CBR4: variants seen among roughly 807,000 people sequenced by gnomAD.
The protein encoded by CBR4 is 3-oxoacyl-[acyl-carrier-protein] reductase.
In CBR4, 22 loss-of-function variants were observed where a neutral mutation model predicts 21.0. That is an observed-to-expected ratio of 1.05 (90% confidence interval 0.75 to 1.50). The LOEUF (loss-of-function observed/expected upper bound fraction) is 1.50. CBR4 is among the 40% of genes most tolerant of loss of function. The pLI, the probability that CBR4 is intolerant of heterozygous loss-of-function variation, is 0.00. For missense variants in CBR4, 302 were observed against 286.3 expected (o/e 1.05, Z -0.40); for synonymous variants, 100 against 104.4 (o/e 0.96, Z 0.26).
chr4:168,990,211 T>C lies in CBR4; in HGVS notation c.653A>G (p.Glu218Gly). 6.2e-7 allele frequency: 1 copy of C among 1,613,434 alleles called. No homozygotes were observed. Among genetic ancestry groups the C allele is most frequent in the Non-Finnish European group, 8.5e-7 (1 of 1,179,634 alleles). ...AACATGCCCTGTAATATACGGTGAT[T>C]CTAAAAGAAACACAACCGCATGTGC... is the stretch of plus-strand genomic sequence containing the variant. ...EVAHAVVFLLESPYITGHVLV... is the reference protein window; with the variant it reads ...EVAHAVVFLLGSPYITGHVLV... Residue 218 changes from glutamate (E) to glycine (G), a missense_variant, in exon 5 of 5, where the codon GAA becomes GGA. Physicochemically the swap from Glu to Gly is moderately conservative, Grantham distance 98. Transcript: ENST00000306193.
intron 2 of CBR4, among the ~76,000 whole-genome samples, chr4:168,934,282 CAAAAAAAAAA>C (rs60538970): frequency 5.5e-5 from 1 of 18,200 alleles, no homozygotes; most frequent in African/African-American, 1.9e-4. Context: ...GCAAAAAAAA[CAAAAAAAAAA>C]AAAAAAAAAA....
intron 2 of CBR4, among the ~76,000 whole-genome samples, chr4:168,937,033 A>G (rs1763131327): frequency 6.6e-6 from 1 of 152,200 alleles, no homozygotes; most frequent in African/African-American, 2.4e-5. Context: ...CGGCAGCCAG[A>G]GAGAAAGATC....
In CBR4 at chr4:168,895,166, G is replaced by A. The variant is rs568913165; in HGVS notation, n.170-401C>T. Among the ~76,000 whole-genome samples the A allele has an allele frequency of 1.1e-3, 175 of 152,178 alleles. 1 individual carries two copies. Among genetic ancestry groups the A allele is most frequent in the Non-Finnish European group, 2.3e-3 (157 of 68,002 alleles). On this transcript the variant is annotated intron_variant and non_coding_transcript_variant, in intron 2 of 3. Coordinates refer to the CBR4 transcript ENST00000509108. The stretch of plus-strand genomic sequence containing the variant: ...TGGGAGGCTGAGGTGGGTGGATCAC[G>A]AGGTCAGGAGATCGAGACCATCGTG...
At chr4:168,963,227 T>G (rs1355392488) in intron 2 of CBR4, among the ~76,000 whole-genome samples, 1 of 152,202 alleles carries the variant, frequency 6.6e-6, no homozygotes, top group Non-Finnish European at 1.5e-5. Context: ...AAAAGCCAGT[T>G]TTATCCTGAT....
chr4:168,971,394 C>T (rs1398488566), intron 2 of CBR4, among the ~76,000 whole-genome samples: 7 of 151,436 alleles, frequency 4.6e-5, no homozygotes, highest in Admixed American at 2.6e-4. Flanking sequence ...CTCAGCCTCC[C>T]GAGTAGCTGG....
chr4:168,991,766 G>A (rs1419365943), intron 4 of CBR4, among the ~76,000 whole-genome samples: 1 of 152,038 alleles, frequency 6.6e-6, no homozygotes, highest in East Asian at 1.9e-4. Flanking sequence ...AATCATTTGG[G>A]TTTTTAAAAA....
Position 168,914,008 on chromosome 4 carries a change from C to G in CBR4, n.170-19243G>C. 1 of 1,600,892 alleles carries G rather than the reference C, an allele frequency of 6.2e-7. No homozygotes were observed. The highest frequency in any genetic ancestry group is 8.6e-7 in the Non-Finnish European group (1 of 1,168,086). Reference sequence around the variant, plus strand: ...AAGTCCCCGGTCTCCCTCAGGCCATCCTCATGTCAGAAGGTATTTAACATG... The same window carrying G: ...AAGTCCCCGGTCTCCCTCAGGCCATGCTCATGTCAGAAGGTATTTAACATG... On this transcript the variant is annotated intron_variant and non_coding_transcript_variant, in intron 2 of 3. Coordinates refer to the CBR4 transcript ENST00000509108.
chr4:169,008,971 G>T, intron 1 of CBR4: 1 of 454,830 alleles, frequency 2.2e-6, no homozygotes, highest in South Asian at 1.6e-5. Flanking sequence ...ATAGTCCCAG[G>T]TCCTTGGGAG....
At chr4:169,008,638 C>T (rs909273227) in intron 1 of CBR4, among the ~76,000 whole-genome samples, 8 of 152,164 alleles carry the variant, frequency 5.3e-5, no homozygotes, top group African/African-American at 1.9e-4. Flanking sequence ...CCAAAAGCAT[C>T]CTGTGTCTCT....
intron 2 of CBR4, among the ~76,000 whole-genome samples, chr4:168,960,791 A>C (rs946129021): frequency 6.6e-6 from 1 of 152,234 alleles, no homozygotes; most frequent in African/African-American, 2.4e-5. Context: ...AAAAGTCTTT[A>C]TGTTAGAAGA....
intron 2 of CBR4, among the ~76,000 whole-genome samples, chr4:168,963,527 A>G (rs1414007146): frequency 6.9e-6 from 1 of 144,108 alleles, no homozygotes; most frequent in Non-Finnish European, 1.5e-5. Context: ...CTAGAGTCCT[A>G]TGGTGTGATC....
intron 2 of CBR4, among the ~76,000 whole-genome samples, chr4:168,958,346 C>A: frequency 6.6e-6 from 1 of 151,192 alleles, no homozygotes; most frequent in East Asian, 1.9e-4. Context: ...TTTTTTGAAT[C>A]TGGCTTCTTT....
intron 2 of CBR4, among the ~76,000 whole-genome samples, chr4:168,975,569 A>G (rs183891123): frequency 1.3e-5 from 2 of 152,288 alleles, no homozygotes; most frequent in Non-Finnish European, 2.9e-5. Flanking sequence ...CTGCAGTAGT[A>G]GAAGGGAGAT....
At position 168,990,049 on chromosome 4, in the gene CBR4, G is replaced by C; in HGVS notation, c.*101C>G. Reference sequence around the variant, plus strand: ...GAAATTAACATTTGTAGCATCAGCAGGTTTGATTAGCACATGTTACCCATG... The same window carrying C: ...GAAATTAACATTTGTAGCATCAGCACGTTTGATTAGCACATGTTACCCATG... On this transcript the variant is annotated 3_prime_UTR_variant, in exon 5 of 5. Coordinates refer to ENST00000306193, the MANE Select transcript of CBR4 (RefSeq NM_032783.5). The C allele has an allele frequency of 1.5e-6, 2 of 1,333,546 alleles. No homozygotes were observed. Among genetic ancestry groups the C allele is most frequent in the Non-Finnish European group, 1.9e-6 (2 of 1,033,752 alleles). 82.6% of individuals were successfully genotyped at this position (1,333,546 alleles called of 1,614,324 possible).
intron 2 of CBR4, among the ~76,000 whole-genome samples, chr4:168,899,902 A>G (rs1367710084): frequency 6.6e-6 from 1 of 151,466 alleles, no homozygotes; most frequent in African/African-American, 2.4e-5. Context: ...GGGCAACAAC[A>G]GTGAGACTCC....
At chr4:168,911,709 A>T (rs555335513) in intron 2 of CBR4, among the ~76,000 whole-genome samples, 2 of 152,306 alleles carry the variant, frequency 1.3e-5, no homozygotes, top group Admixed American at 1.3e-4. Flanking sequence ...AATGTTTGCC[A>T]AGAGTTTAGC....
At chr4:168,971,108 T>G (rs1305746383) in intron 2 of CBR4, among the ~76,000 whole-genome samples, 1 of 152,188 alleles carries the variant, frequency 6.6e-6, no homozygotes, top group Non-Finnish European at 1.5e-5. Flanking sequence ...AACTGTTTCC[T>G]TTTCACCATA....
At position 168,988,799 on chromosome 4, in the gene CBR4, T is replaced by C. The variant is rs1412930513; in HGVS notation, c.*1351A>G. On this transcript the variant is annotated 3_prime_UTR_variant, in exon 5 of 5. Coordinates refer to ENST00000306193, the MANE Select transcript of CBR4 (RefSeq NM_032783.5). ...AAAATAATTTTTAAGGAACCCAGAA[T>C]TTTTATTTAGAACACTGCTTTGACT... The C allele has an allele frequency of 1.0e-6, 1 of 952,910 alleles. No homozygotes were observed. Among genetic ancestry groups the C allele is most frequent in the African/African-American group, 1.8e-5 (1 of 56,528 alleles). The allele number at this position is 952,910 out of a possible 1,614,324, so 59.0% of individuals were successfully genotyped here.
At chr4:169,006,979 G>A in intron 2 of CBR4, 88 bp from the exon 3 acceptor site, 1 of 1,006,524 alleles carries the variant, frequency 9.9e-7, no homozygotes, top group Non-Finnish European at 1.5e-6. Flanking sequence ...TACTGAGAGT[G>A]CAAGAAGTGC....
Sources: allele counts gnomAD v4.1 joint callset (sites outside exome capture counted in the v4.1 genomes callset), GRCh38; gene constraint gnomAD v4.1.1; transcripts MANE v1.5; gene names NCBI Gene and HGNC (gene_info 2026-07-23, HGNC 2026-07-21).